PCTP: variants seen among roughly 807,000 people sequenced by gnomAD.
PCTP encodes START domain-containing protein 2.
A neutral mutation model predicts 31.0 loss-of-function variants in PCTP; 27 were observed. The ratio of observed to expected loss-of-function variants is 0.87; its 90% CI spans 0.64 to 1.20. The LOEUF (loss-of-function observed/expected upper bound fraction) is 1.20. PCTP is among the 50% of genes most tolerant of loss of function. PCTP has a pLI of 0.00. For synonymous variants in PCTP, 108 were observed against 101.2 expected (o/e 1.07, Z -0.40); for missense variants, 287 against 268.2 (o/e 1.07, Z -0.49).
intron 3 of PCTP, among the ~76,000 whole-genome samples, chr17:55,804,943 T>TA (rs1008138983): frequency 5.3e-5 from 8 of 152,094 alleles, no homozygotes; most frequent in African/African-American, 1.7e-4. Flanking sequence ...TGGGTTTTTT[T>TA]AAAAAAACAT....
At chr17:55,782,909 A>G (rs1911610512) in intron 2 of PCTP, among the ~76,000 whole-genome samples, 1 of 152,194 alleles carries the variant, frequency 6.6e-6, no homozygotes, top group Admixed American at 6.5e-5. Context: ...TTCAGCTCCA[A>G]AAGGGTACAG....
At chr17:55,753,738 C>T (rs184866576) in intron 1 of PCTP, among the ~76,000 whole-genome samples, 1 of 152,326 alleles carries the variant, frequency 6.6e-6, no homozygotes, top group East Asian at 1.9e-4. Context: ...GCCCAGACCG[C>T]TGTGCCATCT....
At chr17:55,791,236 C>T (rs376750529) in intron 3 of PCTP, among the ~76,000 whole-genome samples, 7 of 152,052 alleles carry the variant, frequency 4.6e-5, no homozygotes, top group East Asian at 3.9e-4. Flanking sequence ...ATTCAGGACA[C>T]AGGCATGGGC....
chr17:55,796,932 G>T (rs1271677690), intron 3 of PCTP, among the ~76,000 whole-genome samples: 7 of 151,914 alleles, frequency 4.6e-5, no homozygotes, highest in African/African-American at 1.7e-4. Flanking sequence ...CTGAAATGAA[G>T]ATTTAAACCT....
At chr17:55,774,460 G>A in intron 4 of PCTP, among the ~76,000 whole-genome samples, 1 of 152,154 alleles carries the variant, frequency 6.6e-6, no homozygotes, top group East Asian at 1.9e-4. Flanking sequence ...TAATTTTTAT[G>A]AGTATCTGTT....
intron 3 of PCTP, among the ~76,000 whole-genome samples, chr17:55,801,565 C>G (rs1912382414): frequency 6.6e-6 from 1 of 152,182 alleles, no homozygotes; most frequent in African/African-American, 2.4e-5. Context: ...GAAACTCACT[C>G]AAAAGCACAG....
chr17:55,781,977 T>C (rs4602098), downstream of PCTP, among the ~76,000 whole-genome samples: 21,773 of 152,124 alleles, frequency 0.14, 1,611 homozygotes, highest in Middle Eastern at 0.2. Flanking sequence ...CATACAATTA[T>C]GGAGGCCGAG....
At chr17:55,775,171 C>G in intron 5 of PCTP, 1 of 1,217,786 alleles carries the variant, frequency 8.2e-7, no homozygotes, top group Non-Finnish European at 1.1e-6. Flanking sequence ...ACAATAGTGC[C>G]TTTGGAGCCT....
chr17:55,766,990 A>C (rs1041858993), intron 1 of PCTP, among the ~76,000 whole-genome samples: 7 of 151,984 alleles, frequency 4.6e-5, no homozygotes, highest in Admixed American at 3.3e-4. Context: ...TGTGGTTTTG[A>C]TTTGCATTTC....
chr17:55,842,062 A>G (rs774454171), intron 5 of PCTP, among the ~76,000 whole-genome samples: 2 of 152,234 alleles, frequency 1.3e-5, no homozygotes, highest in South Asian at 4.1e-4. Context: ...GTACTCTCAT[A>G]TACTCTTAAA....
At chr17:55,844,734 T>A (rs949882357), downstream of PCTP, among the ~76,000 whole-genome samples, 6 of 152,112 alleles carry the variant, frequency 3.9e-5, no homozygotes, top group African/African-American at 1.4e-4. Context: ...TCTCTGTCCT[T>A]GTCCTCTGTA....
In PCTP at chr17:55,777,211, A is replaced by T; in HGVS notation, c.*1111A>T. 1.0e-6 allele frequency: 1 copy of T among 985,390 alleles called. No individual in the cohort carries two copies. Among genetic ancestry groups the T allele is most frequent in the African/African-American group, 1.7e-5 (1 of 57,334 alleles). The allele number at this position is 985,390 out of a possible 1,614,324, so 61.0% of individuals were successfully genotyped here. ...ACAGCCTTGATGATCTCAGGGAAAA[A>T]TTTTAATCACTGTGTATAATGATAC... is the stretch of plus-strand genomic sequence containing the variant. On this transcript the variant is annotated 3_prime_UTR_variant, in exon 6 of 6. Transcript: ENST00000268896.
chr17:55,778,962 C>G (rs543938709), downstream of PCTP, among the ~76,000 whole-genome samples: 1 of 152,280 alleles, frequency 6.6e-6, no homozygotes, highest in East Asian at 1.9e-4. Flanking sequence ...TGGCCTGACT[C>G]CCTGGCTGAG....
At chr17:55,802,965 G>A (rs539179821) in intron 3 of PCTP, among the ~76,000 whole-genome samples, 6 of 152,232 alleles carry the variant, frequency 3.9e-5, no homozygotes, top group South Asian at 4.2e-4. Flanking sequence ...AAACCCCATC[G>A]TCTCAGCCCC....
downstream of PCTP, among the ~76,000 whole-genome samples, chr17:55,826,420 C>T (rs527486960): frequency 6.0e-5 from 9 of 150,252 alleles, no homozygotes; most frequent in East Asian, 2.0e-4. Flanking sequence ...TCTGAAGAAA[C>T]GCCATGCTTC....
intron 3 of PCTP, among the ~76,000 whole-genome samples, chr17:55,799,073 G>A (rs1912282380): frequency 6.6e-6 from 1 of 151,900 alleles, no homozygotes; most frequent in Admixed American, 6.6e-5. Flanking sequence ...AGCTAATGGG[G>A]GGGGAATGCA....
chr17:55,838,066 A>C (rs542237026), intron 5 of PCTP, among the ~76,000 whole-genome samples: 61 of 152,334 alleles, frequency 4.0e-4, no homozygotes, highest in African/African-American at 1.4e-3. Flanking sequence ...TCTTGAGCCC[A>C]GGAGATTGAG....
chr17:55,793,777 T>C (rs1332694648), intron 3 of PCTP, among the ~76,000 whole-genome samples: 1 of 152,102 alleles, frequency 6.6e-6, no homozygotes, highest in Non-Finnish European at 1.5e-5. Flanking sequence ...ATAACCAATA[T>C]ATTGATGCCT....
intron 3 of PCTP, among the ~76,000 whole-genome samples, chr17:55,798,028 A>C (rs1039414548): frequency 1.3e-5 from 2 of 152,052 alleles, no homozygotes; most frequent in Admixed American, 6.6e-5. Context: ...TTTAGCTGGG[A>C]ATCAGACTGT....
Sources: gnomAD v4.1 joint callset for allele counts (sites outside exome capture counted in the v4.1 genomes callset) on GRCh38, gnomAD v4.1.1 for gene constraint, MANE v1.5 for transcripts, NCBI Gene and HGNC (gene_info 2026-07-23, HGNC 2026-07-21) for gene names.